DAPK2: variants seen among roughly 807,000 people sequenced by gnomAD.
DAPK2 encodes the protein death-associated protein kinase 2.
A neutral mutation model predicts 44.1 loss-of-function variants in DAPK2; 35 were observed. That is an observed-to-expected ratio of 0.79 (90% CI 0.61 to 1.05). The LOEUF is 1.05. Ranked by LOEUF, DAPK2 falls within the 50% of genes least tolerant of loss-of-function variation. The probability of loss-of-function intolerance (pLI) is 0.00; values close to 1 mark genes in which losing one functional copy is unlikely to be tolerated. For synonymous variants in DAPK2, 174 were observed against 182.6 expected, an observed-to-expected ratio of 0.95 and a Z score of 0.38; for missense variants, 453 against 483.2, an observed-to-expected ratio of 0.94 and a Z score of 0.59.
chr15:63,962,276 G>A (rs1365933176), intron 3 of DAPK2, among the ~76,000 whole-genome samples: 4 of 152,118 alleles, frequency 2.6e-5, no homozygotes, highest in East Asian at 3.9e-4. Context: ...GCTTATTTGC[G>A]ATGGGTTCGA....
chr15:64,000,845 C>T (rs2079066418), intron 1 of DAPK2, among the ~76,000 whole-genome samples: 1 of 152,052 alleles, frequency 6.6e-6, no homozygotes, highest in African/African-American at 2.4e-5. Flanking sequence ...TGACTGCTTA[C>T]TCCCCAATCC....
chr15:63,922,645 AG>A (rs2079109123), intron 8 of DAPK2: 1 of 1,442,970 alleles, frequency 6.9e-7, no homozygotes, highest in Non-Finnish European at 9.1e-7. Flanking sequence ...ACACCCCTGC[AG>A]GATAATTCTA....
At chr15:63,946,434 T>TA (rs757482249) in intron 3 of DAPK2, among the ~76,000 whole-genome samples, 26 of 152,364 alleles carry the variant, frequency 1.7e-4, no homozygotes, top group Admixed American at 5.2e-4. Context: ...CTGGAGCTCT[T>TA]AGAGGCTCAG....
intron 3 of DAPK2, among the ~76,000 whole-genome samples, chr15:63,964,758 T>C (rs1312249115): frequency 6.6e-6 from 1 of 152,126 alleles, no homozygotes; most frequent in African/African-American, 2.4e-5. Context: ...GTACATCAAT[T>C]GCATTTTTCA....
intron 3 of DAPK2, among the ~76,000 whole-genome samples, chr15:63,960,768 T>C (rs2077877317): frequency 6.6e-6 from 1 of 152,188 alleles, no homozygotes; most frequent in Non-Finnish European, 1.5e-5. Flanking sequence ...TACTTCAAAC[T>C]ATGTGGTCAA....
rs1380974214 is a variant in DAPK2 at position 63,991,935 on chromosome 15, G to A, written c.93-8181C>T. On this transcript the variant is annotated intron_variant, in intron 1 of 10. Coordinates refer to ENST00000261891, the Ensembl canonical transcript of DAPK2. ...AAGTCACAGGTGGCTGTTCTGTATG[G>A]GCCTGCAGCAGCTGCTTTTAGAGGC... 1.4e-4 allele frequency among the ~76,000 whole-genome samples: 21 copies of A among 152,108 alleles called. 1 individual carries two copies. The highest frequency in any genetic ancestry group is 1.3e-3 in the Admixed American group (20 of 15,268).
At chr15:63,928,615 T>C (rs1266135514) in intron 6 of DAPK2, 1 of 152,116 alleles carries the variant, frequency 6.6e-6, no homozygotes, top group African/African-American at 2.4e-5. Flanking sequence ...AAGTTTGTGA[T>C]TCCTATTTTT....
chr15:63,909,289 T>A (rs1288007583), intron 10 of DAPK2: 1 of 152,026 alleles, frequency 6.6e-6, no homozygotes, highest in African/African-American at 2.4e-5. Flanking sequence ...TGTTGTCCAA[T>A]GTTCAATTCC....
chr15:64,035,871 A>T (rs918240593), intron 1 of DAPK2, among the ~76,000 whole-genome samples: 25 of 152,200 alleles, frequency 1.6e-4, no homozygotes, highest in African/African-American at 6.0e-4. Flanking sequence ...GTCCCAGCAG[A>T]GTGCAGGATG....
rs764593281 is a variant in DAPK2, at chr15:63,924,866, A to C, written c.813-5T>G. ...TCTTGGATTGTGAGCCGTTTCCTGC[A>C]ATGAGGATTGGGAAACAGTGATGAT... On this transcript the variant is annotated splice_region_variant and splice_polypyrimidine_tract_variant and intron_variant, in intron 7 of 10. Transcript: ENST00000261891. 6 of 1,614,100 alleles carry C rather than the reference A, an allele frequency of 3.7e-6. No individual in the cohort carries two copies. Among genetic ancestry groups the C allele is most frequent in the Non-Finnish European group, 5.1e-6 (6 of 1,179,954 alleles).
chr15:63,933,641 C>T (rs1359066933), intron 4 of DAPK2, among the ~76,000 whole-genome samples: 2 of 149,602 alleles, frequency 1.3e-5, no homozygotes, highest in Non-Finnish European at 3.0e-5. Context: ...CTTAGTCACC[C>T]AGGCTGGAGT....
rs1352008320 is a variant in DAPK2, at chr15:64,004,269, T to C, written c.93-20515A>G. Reference sequence around the variant, plus strand: ...CTCTGCCCCCTGTATTTCCTGTAAATGAGTAGCTGGATCTAGAGGCTTGAT... The same window carrying C: ...CTCTGCCCCCTGTATTTCCTGTAAACGAGTAGCTGGATCTAGAGGCTTGAT... On this transcript the variant is annotated intron_variant, in intron 1 of 10. Transcript: ENST00000261891. 2.0e-5 allele frequency among the ~76,000 whole-genome samples: 3 copies of C among 152,324 alleles called. No individual in the cohort carries two copies. In the East Asian group the frequency reaches 5.8e-4, roughly 29 times the overall value.
At chr15:63,950,558 T>C (rs2077559655) in intron 3 of DAPK2, among the ~76,000 whole-genome samples, 1 of 152,048 alleles carries the variant, frequency 6.6e-6, no homozygotes, top group Non-Finnish European at 1.5e-5. Context: ...AAACAACTAT[T>C]AGAAAGAAAA....
intron 1 of DAPK2, among the ~76,000 whole-genome samples, chr15:64,022,343 G>C (rs886880135): frequency 1.3e-5 from 2 of 152,160 alleles, no homozygotes; most frequent in African/African-American, 4.8e-5. Flanking sequence ...AAAGCATTAG[G>C]CAAAGGTTTC....
At chr15:64,032,311 T>C (rs562494649) in intron 1 of DAPK2, among the ~76,000 whole-genome samples, 16 of 152,314 alleles carry the variant, frequency 1.1e-4, no homozygotes, top group Non-Finnish European at 1.8e-4. Flanking sequence ...GTGTTTGATC[T>C]GGACCTTGAA....
At chr15:64,027,648 G>A (rs2079889191) in intron 1 of DAPK2, among the ~76,000 whole-genome samples, 1 of 152,056 alleles carries the variant, frequency 6.6e-6, no homozygotes, top group Non-Finnish European at 1.5e-5. Flanking sequence ...GAAATTAAGG[G>A]GAAAGTACAG....
rs554586214 is a variant in DAPK2, at chr15:63,986,759, T to C, written c.93-3005A>G. Reference sequence around the variant, plus strand: ...GCCTGGGGAATTTTAAAACTCCTAGTGTTTAAGTCTCACCCTGAGAGATTC... The same window carrying C: ...GCCTGGGGAATTTTAAAACTCCTAGCGTTTAAGTCTCACCCTGAGAGATTC... On this transcript the variant is annotated intron_variant, in intron 1 of 10. Transcript: ENST00000261891. Among the ~76,000 whole-genome samples the C allele has an allele frequency of 8.5e-5, 13 of 152,318 alleles. No homozygotes were observed. In the East Asian group the frequency reaches 2.5e-3, roughly 29 times the overall value.
chr15:63,926,100 A>G lies in DAPK2; in HGVS notation c.660-7T>C. The G allele has an allele frequency of 6.3e-7, 1 of 1,596,286 alleles. No individual in the cohort carries two copies. Among genetic ancestry groups the G allele is most frequent in the East Asian group, 2.2e-5 (1 of 44,684 alleles). On this transcript the variant is annotated splice_region_variant and splice_polypyrimidine_tract_variant and intron_variant, in intron 6 of 10. Transcript: ENST00000261891. Reference sequence around the variant, plus strand: ...AGGGGATGCTCCACTTAAGCTGAGTACGACAGACAGGGAATCAAATAACTA... The same window carrying G: ...AGGGGATGCTCCACTTAAGCTGAGTGCGACAGACAGGGAATCAAATAACTA...
At chr15:63,955,352 C>T (rs2077694469) in intron 3 of DAPK2, among the ~76,000 whole-genome samples, 1 of 152,152 alleles carries the variant, frequency 6.6e-6, no homozygotes, top group African/African-American at 2.4e-5. Context: ...CTATCAAATG[C>T]TTTTTCAGCT....
Sources: gnomAD v4.1 joint callset for allele counts (sites outside exome capture counted in the v4.1 genomes callset) on GRCh38, gnomAD v4.1.1 for gene constraint, MANE v1.5 for transcripts, NCBI Gene and HGNC (gene_info 2026-07-23, HGNC 2026-07-21) for gene names.